TRPM3: variants seen among roughly 807,000 people sequenced by gnomAD.
The protein encoded by TRPM3 is long transient receptor potential channel 3.
TRPM3 carries 77 observed loss-of-function variants against 181.2 expected under a neutral mutation model. The ratio of observed to expected loss-of-function variants is 0.42; its 90% confidence interval spans 0.35 to 0.51. TRPM3 has a LOEUF of 0.51. TRPM3 is among the 20% of genes least tolerant of loss of function. The pLI is 0.01. For synonymous variants in TRPM3, 745 were observed against 796.4 expected, an observed-to-expected ratio of 0.94 and a Z score of 1.09; for missense variants, 1,759 against 2,196.7, an observed-to-expected ratio of 0.80 and a Z score of 3.98.
chr9:71,359,338 C>A (rs2092044895), intron 1 of TRPM3, among the ~76,000 whole-genome samples: 2 of 152,196 alleles, frequency 1.3e-5, no homozygotes, highest in Admixed American at 1.3e-4. Context: ...TGCAATATAT[C>A]TGTAATGACC....
intron 1 of TRPM3, among the ~76,000 whole-genome samples, chr9:71,264,525 T>C (rs1039980129): frequency 6.6e-6 from 1 of 151,994 alleles, no homozygotes; most frequent in Non-Finnish European, 1.5e-5. Context: ...TAAACGAAAA[T>C]AAATTCAGCT....
At chr9:70,553,524 T>G (rs2046939006) in intron 22 of TRPM3, among the ~76,000 whole-genome samples, 1 of 152,032 alleles carries the variant, frequency 6.6e-6, no homozygotes, top group Non-Finnish European at 1.5e-5. Flanking sequence ...GGTTCCACAG[T>G]CTCCCCAAGT....
chr9:71,169,140 T>C (rs1404266072), intron 1 of TRPM3, among the ~76,000 whole-genome samples: 1 of 152,248 alleles, frequency 6.6e-6, no homozygotes, highest in African/African-American at 2.4e-5. Context: ...CAGCTGATTC[T>C]TGCCATGTTG....
At chr9:70,828,242 T>G (rs2093672975) in intron 5 of TRPM3, among the ~76,000 whole-genome samples, 1 of 152,224 alleles carries the variant, frequency 6.6e-6, no homozygotes, top group African/African-American at 2.4e-5. Flanking sequence ...ATTTATTTAC[T>G]GAAATGGGGC....
intron 1 of TRPM3, among the ~76,000 whole-genome samples, chr9:70,957,669 T>G (rs1344261321): frequency 6.6e-6 from 1 of 152,224 alleles, no homozygotes; most frequent in Non-Finnish European, 1.5e-5. Context: ...ATTCAAGTAC[T>G]TTGCCCAAAG....
chr9:70,946,202 C>T (rs2096930699), intron 1 of TRPM3, among the ~76,000 whole-genome samples: 1 of 151,986 alleles, frequency 6.6e-6, no homozygotes, highest in South Asian at 2.1e-4. Context: ...TACAGTGGCA[C>T]CATCATTGCT....
chr9:71,339,877 A>G (rs1466652200), intron 1 of TRPM3, among the ~76,000 whole-genome samples: 1 of 152,148 alleles, frequency 6.6e-6, no homozygotes, highest in African/African-American at 2.4e-5. Context: ...CGTTTTTGGT[A>G]TATAAATTTA....
intron 1 of TRPM3, among the ~76,000 whole-genome samples, chr9:71,007,039 CAAAAAAA>C (rs59442017): frequency 3.6e-5 from 1 of 27,980 alleles, no homozygotes; most frequent in Non-Finnish European, 5.9e-5. Context: ...AACTCCATCT[CAAAAAAA>C]AAAAAAAAAA....
chr9:70,529,380 A>G lies in TRPM3; in HGVS notation c.*6573T>C, dbSNP rs2040558837. The G allele has an allele frequency of 6.6e-6, 1 of 152,250 alleles. No homozygotes were observed. Among genetic ancestry groups the G allele is most frequent in the South Asian group, 2.1e-4 (1 of 4,838 alleles). 9.4% of individuals were successfully genotyped at this position (152,250 alleles called of 1,614,324 possible). On this transcript the variant is annotated 3_prime_UTR_variant, in exon 26 of 26. Coordinates refer to ENST00000677713, the MANE Select transcript of TRPM3 (RefSeq NM_001366145.2). ...GAATTCATTTAAAAATGATATCTGA[A>G]TAATTTCCCCCATTATAAACTAGGG...
intron 1 of TRPM3, among the ~76,000 whole-genome samples, chr9:71,059,584 C>T (rs776535012): frequency 2.0e-5 from 3 of 151,910 alleles, no homozygotes; most frequent in Non-Finnish European, 2.9e-5. Context: ...TTTGTAAATG[C>T]GATCAACATC....
At chr9:71,123,886 C>T (rs1376995156), upstream of TRPM3, among the ~76,000 whole-genome samples, 3 of 152,154 alleles carry the variant, frequency 2.0e-5, no homozygotes, top group Admixed American at 2.0e-4. Flanking sequence ...CCCTGCCCTG[C>T]AGTATTTCAA....
At chr9:70,632,925 G>C (rs2066151262) in intron 12 of TRPM3, among the ~76,000 whole-genome samples, 1 of 152,176 alleles carries the variant, frequency 6.6e-6, no homozygotes, top group Non-Finnish European at 1.5e-5. Flanking sequence ...TCAGAAAAGA[G>C]AAAACAATAT....
intron 8 of TRPM3, among the ~76,000 whole-genome samples, chr9:70,690,889 T>C (rs959660862): frequency 1.3e-5 from 2 of 152,192 alleles, no homozygotes; most frequent in South Asian, 4.1e-4. Context: ...AATAGAATAC[T>C]ATGCATCTAA....
chr9:70,863,693 A>G (rs1413023207), intron 2 of TRPM3, among the ~76,000 whole-genome samples: 1 of 152,190 alleles, frequency 6.6e-6, no homozygotes, highest in Non-Finnish European at 1.5e-5. Flanking sequence ...TTGCTCTATC[A>G]TGAAAATGTC....
intron 9 of TRPM3, among the ~76,000 whole-genome samples, chr9:70,667,718 G>T (rs1277380050): frequency 6.6e-6 from 1 of 152,050 alleles, no homozygotes; most frequent in Non-Finnish European, 1.5e-5. Flanking sequence ...GGCCTTTTGA[G>T]CATTTTAAAA....
chr9:70,752,124 C>G (rs1457475107), intron 8 of TRPM3, among the ~76,000 whole-genome samples: 5 of 150,912 alleles, frequency 3.3e-5, no homozygotes, highest in Non-Finnish European at 7.4e-5. Flanking sequence ...GAGCAAAGGG[C>G]TAAAATAGTT....
chr9:70,781,328 A>T (rs1189836202), intron 7 of TRPM3, among the ~76,000 whole-genome samples: 20 of 20,754 alleles, frequency 9.6e-4, no homozygotes, highest in Admixed American at 3.6e-3. Flanking sequence ...CCATTTCATA[A>T]AAAAAAAAAA....
rs201691510 is a variant in TRPM3, at chr9:71,220,388, TATG to T, written c.183+226262_183+226264del. ...TTATTATTATTATTATTATTATTAT[TATG>T]ATCTGCTTACCAGTTGACCTAAATA... On this transcript the variant is annotated intron_variant, in intron 1 of 24. Coordinates refer to the TRPM3 transcript ENST00000357533. 1.1e-4 allele frequency among the ~76,000 whole-genome samples: 15 copies of T among 139,886 alleles called. No individual in the cohort carries two copies. The South Asian group carries it at 1.2e-3, about 11-fold the overall frequency. 91.8% of individuals were successfully genotyped at this position (139,886 alleles called of 152,430 possible).
At chr9:70,950,736 A>G (rs2096988971) in intron 1 of TRPM3, among the ~76,000 whole-genome samples, 2 of 152,084 alleles carry the variant, frequency 1.3e-5, no homozygotes, top group African/African-American at 4.8e-5. Context: ...GACCTGCTAA[A>G]TCTCATCCGA....
Sources: allele counts gnomAD v4.1 joint callset (sites outside exome capture counted in the v4.1 genomes callset), GRCh38; gene constraint gnomAD v4.1.1; transcripts MANE v1.5; gene names NCBI Gene and HGNC (gene_info 2026-07-23, HGNC 2026-07-21).